CCNY: variants seen among roughly 807,000 people sequenced by gnomAD.
The protein encoded by CCNY is cyclin-Y.
Under a neutral mutation model 42.8 loss-of-function variants are expected in CCNY, and 19 were observed. The observed-to-expected ratio is 0.44, with a 90% confidence interval of 0.31 to 0.65. The LOEUF (loss-of-function observed/expected upper bound fraction) is 0.65, where lower values mean the gene tolerates loss of function less well. Among genes scored for constraint, CCNY ranks in the 30% least tolerant of loss-of-function variants. The pLI is 0.07. For missense variants in CCNY, 370 were observed against 437.3 expected (o/e 0.85, Z 1.37); for synonymous variants, 165 against 162.7 (o/e 1.01, Z -0.11).
chr10:35,373,763 A>C (rs1589071068), intron 1 of CCNY, among the ~76,000 whole-genome samples: 1 of 150,960 alleles, frequency 6.6e-6, no homozygotes, highest in Non-Finnish European at 1.5e-5. Flanking sequence ...TAGTATATAC[A>C]TATACAAAAT....
In CCNY at chr10:35,548,124, C is replaced by T. The variant is rs111773880; in HGVS notation, c.580-4895C>T. On this transcript the variant is annotated intron_variant, in intron 7 of 9. Coordinates refer to ENST00000374704, the MANE Select transcript of CCNY (RefSeq NM_145012.6). ...TGACCCCCCAAAACTTAATAGCCTA[C>T]TGTTGACTGAAAGCCTTACCTGTAA... Among the ~76,000 whole-genome samples, 511 of 152,118 alleles carry T rather than the reference C, an allele frequency of 3.4e-3. 4 individuals carry two copies. Among genetic ancestry groups the T allele is most frequent in the African/African-American group, 0.012 (481 of 41,484 alleles).
intron 3 of CCNY, among the ~76,000 whole-genome samples, chr10:35,257,991 C>T (rs977685832): frequency 4.6e-5 from 7 of 152,126 alleles, no homozygotes; most frequent in African/African-American, 1.7e-4. Flanking sequence ...ACTTTACTGA[C>T]TCCTCCTTCT....
chr10:35,563,290 C>G (rs1270988460), intron 8 of CCNY, among the ~76,000 whole-genome samples: 2 of 152,156 alleles, frequency 1.3e-5, no homozygotes, highest in Non-Finnish European at 2.9e-5. Flanking sequence ...GAAGGTTGTT[C>G]TGTTTTCCAG....
rs1357499204 is a variant in CCNY at position 35,572,004 on chromosome 10, G to T, written c.*2834G>T. On this transcript the variant is annotated 3_prime_UTR_variant, in exon 10 of 10. Transcript: ENST00000374704. ...CTAGAAAAAGGGAAAGAAGAAGTCA[G>T]GAGTTTAAAACCAAATTGGAGGGCA... is the stretch of plus-strand genomic sequence containing the variant. The T allele has an allele frequency of 6.6e-6, 1 of 151,654 alleles. No homozygotes were observed. The highest frequency in any genetic ancestry group is 1.5e-5 in the Non-Finnish European group (1 of 67,940). 9.4% of individuals were successfully genotyped at this position (151,654 alleles called of 1,614,324 possible).
chr10:35,267,495 A>G (rs963987930), intron 3 of CCNY, among the ~76,000 whole-genome samples: 1 of 151,916 alleles, frequency 6.6e-6, no homozygotes, highest in Non-Finnish European at 1.5e-5. Flanking sequence ...TGGAGCTGTC[A>G]CCCCGTTCTG....
intron 1 of CCNY, among the ~76,000 whole-genome samples, chr10:35,452,714 C>G (rs1259324560): frequency 1.4e-5 from 2 of 144,904 alleles, no homozygotes; most frequent in Non-Finnish European, 3.0e-5. Context: ...ATATCATTCT[C>G]TTCATTTTGG....
At chr10:35,461,745 A>G (rs933506936) in intron 1 of CCNY, among the ~76,000 whole-genome samples, 4 of 152,140 alleles carry the variant, frequency 2.6e-5, no homozygotes, top group South Asian at 2.1e-4. Flanking sequence ...CATGGCTTCT[A>G]TGTGTATTAT....
intron 1 of CCNY, among the ~76,000 whole-genome samples, chr10:35,430,065 C>T (rs981465910): frequency 4.6e-5 from 7 of 151,932 alleles, no homozygotes; most frequent in Non-Finnish European, 8.8e-5. Context: ...ATGCCGGGCG[C>T]GGTGGCTCAC....
At chr10:35,498,363 GA>G (rs1414575749) in intron 2 of CCNY, among the ~76,000 whole-genome samples, 2 of 152,176 alleles carry the variant, frequency 1.3e-5, no homozygotes, top group Non-Finnish European at 2.9e-5. Context: ...GAAATGATGG[GA>G]AGGAACCCTC....
At chr10:35,555,030 G>A (rs1451677296) in intron 8 of CCNY, among the ~76,000 whole-genome samples, 1 of 152,180 alleles carries the variant, frequency 6.6e-6, no homozygotes, top group African/African-American at 2.4e-5. Flanking sequence ...CAAATTTTGA[G>A]GAAATGTTTA....
intron 3 of CCNY, among the ~76,000 whole-genome samples, chr10:35,284,412 G>A (rs1368558688): frequency 6.6e-6 from 1 of 152,104 alleles, no homozygotes; most frequent in East Asian, 1.9e-4. Flanking sequence ...AAGTTATGTG[G>A]ATATAGTTGT....
chr10:35,430,793 T>C (rs1004401744), intron 1 of CCNY, among the ~76,000 whole-genome samples: 10 of 152,130 alleles, frequency 6.6e-5, no homozygotes, highest in South Asian at 6.2e-4. Context: ...TTTCAAAAAA[T>C]GTTACGTATA....
chr10:35,304,600 G>A (rs1364210741), intron 3 of CCNY, among the ~76,000 whole-genome samples: 2 of 52,714 alleles, frequency 3.8e-5, no homozygotes, highest in African/African-American at 2.6e-4. Context: ...GTGAGCCACC[G>A]CTCCCGGCCT....
At chr10:35,441,062 A>G (rs1280756945) in intron 1 of CCNY, among the ~76,000 whole-genome samples, 1 of 152,198 alleles carries the variant, frequency 6.6e-6, no homozygotes, top group East Asian at 1.9e-4. Flanking sequence ...CACCACTTAT[A>G]AGACTCCATT....
intron 3 of CCNY, among the ~76,000 whole-genome samples, chr10:35,308,671 G>C (rs908141307): frequency 1.3e-5 from 2 of 152,138 alleles, no homozygotes; most frequent in African/African-American, 4.8e-5. Flanking sequence ...CTGTGGGGGA[G>C]CCTGAGTGAC....
At chr10:35,313,117 A>T (rs1043156988) in intron 3 of CCNY, among the ~76,000 whole-genome samples, 2 of 152,044 alleles carry the variant, frequency 1.3e-5, no homozygotes, top group African/African-American at 4.8e-5. Flanking sequence ...GAGTCCAGGG[A>T]TGATGATCCC....
At chr10:35,362,001 T>G (rs1836697053) in intron 1 of CCNY, among the ~76,000 whole-genome samples, 1 of 152,244 alleles carries the variant, frequency 6.6e-6, no homozygotes, top group African/African-American at 2.4e-5. Context: ...CACATTTGTT[T>G]CATGCACAAA....
intron 1 of CCNY, among the ~76,000 whole-genome samples, chr10:35,373,955 T>A (rs1836995412): frequency 6.6e-6 from 1 of 151,098 alleles, no homozygotes; most frequent in South Asian, 2.1e-4. Flanking sequence ...TACAAATAAC[T>A]TTTTTCATGT....
At chr10:35,514,609 T>G (rs1326722678) in intron 3 of CCNY, among the ~76,000 whole-genome samples, 1 of 152,244 alleles carries the variant, frequency 6.6e-6, no homozygotes, top group African/African-American at 2.4e-5. Flanking sequence ...CTTCTTTCCC[T>G]GACTTTGTGG....
Sources: allele counts gnomAD v4.1 joint callset (sites outside exome capture counted in the v4.1 genomes callset), GRCh38; gene constraint gnomAD v4.1.1; transcripts MANE v1.5; gene names NCBI Gene and HGNC (gene_info 2026-07-23, HGNC 2026-07-21).